OGN: variants seen among roughly 807,000 people sequenced by gnomAD.
The protein encoded by OGN is mimecan.
In OGN, 19 loss-of-function variants were observed where a neutral mutation model predicts 30.8. The observed-to-expected ratio is 0.62, with a 90% CI of 0.43 to 0.90. OGN has a LOEUF of 0.90. Among genes scored for constraint, OGN ranks in the 40% least tolerant of loss-of-function variants. The probability of loss-of-function intolerance (pLI) is 0.00; values close to 1 mark genes in which losing one functional copy is unlikely to be tolerated. For synonymous variants in OGN, 126 were observed against 128.3 expected, an observed-to-expected ratio of 0.98 and a Z score of 0.12; for missense variants, 283 against 349.7, an observed-to-expected ratio of 0.81 and a Z score of 1.52.
Position 92,386,233 on chromosome 9 carries a change from A to G in OGN, c.694T>C (p.Leu232=). The G allele has an allele frequency of 3.7e-6, 6 of 1,613,296 alleles. No homozygotes were observed. Among genetic ancestry groups the G allele is most frequent in the Non-Finnish European group, 4.2e-6 (5 of 1,179,306 alleles). The change falls in exon 6 of 7, where the codon TTA becomes CTA. Residue 232 remains leucine (L), a synonymous_variant. Coordinates refer to ENST00000375561, the MANE Select transcript of OGN (RefSeq NM_014057.5). ...TGAATTACACGTAGACTTTCTGGTAAATTAAGAGGCACGGATTCCAGGGCA... is the reference window on the plus strand; with the variant it reads ...TGAATTACACGTAGACTTTCTGGTAGATTAAGAGGCACGGATTCCAGGGCA... ...HNALESVPLN[L]PESLRVIHLQ... is the part of the protein sequence containing the mutation.
intron 1 of OGN, 42 bp from the exon 2 acceptor site, chr9:92,403,524 C>T (rs1394019726): frequency 9.1e-6 from 13 of 1,426,240 alleles, no homozygotes; most frequent in Non-Finnish European, 1.1e-5. Flanking sequence ...TATTTAAAAG[C>T]TTAGAGGATG....
chr9:92,391,827 G>A (rs1842700596), intron 4 of OGN, among the ~76,000 whole-genome samples: 1 of 152,130 alleles, frequency 6.6e-6, no homozygotes, highest in Non-Finnish European at 1.5e-5. Flanking sequence ...GAAAGCCCAT[G>A]AAAGCACAAT....
At chr9:92,390,470 A>T (rs1026789434) in intron 4 of OGN, among the ~76,000 whole-genome samples, 1 of 152,110 alleles carries the variant, frequency 6.6e-6, no homozygotes, top group Non-Finnish European at 1.5e-5. Context: ...ATGTTATCTT[A>T]ATCTTAATCT....
intron 3 of OGN, 30 bp downstream of exon 3, chr9:92,401,062 C>A (rs1321812468): frequency 5.0e-6 from 5 of 1,007,514 alleles, no homozygotes; most frequent in Non-Finnish European, 7.7e-6. Flanking sequence ...TTTAAAAGAT[C>A]CATTTGAAAA....
intron 2 of OGN, 117 bp from the exon 3 acceptor site, chr9:92,401,302 C>A: frequency 1.8e-6 from 1 of 563,936 alleles, no homozygotes; most frequent in Non-Finnish European, 3.1e-6. Context: ...CTTTGTGCTC[C>A]ATTAGGCTTT....
chr9:92,386,360 A>AAT, intron 5 of OGN, 64 bp from the exon 6 acceptor site: 1 of 988,886 alleles, frequency 1.0e-6, no homozygotes, highest in African/African-American at 1.6e-5. Context: ...GGATTCAAGC[A>AAT]ATATATATGT....
intron 4 of OGN, 71 bp from the exon 5 acceptor site, chr9:92,390,127 T>C (rs546707101): frequency 2.3e-6 from 2 of 863,870 alleles, no homozygotes; most frequent in Non-Finnish European, 3.6e-6. Context: ...AGAAAAGCAT[T>C]TGTTTAACAG....
intron 5 of OGN, among the ~76,000 whole-genome samples, chr9:92,389,211 C>A (rs1842566519): frequency 6.6e-6 from 1 of 152,148 alleles, no homozygotes. Flanking sequence ...TATGGAAATC[C>A]TGGACTAAAG....
rs1046487944 is a variant in OGN, at chr9:92,384,404, C to T, written c.*1216G>A. 3 of 152,070 alleles carry T rather than the reference C, an allele frequency of 2.0e-5. No homozygotes were observed. The highest frequency in any genetic ancestry group is 6.5e-5 in the Admixed American group (1 of 15,268). The allele number at this position is 152,070 out of a possible 1,614,324, so 9.4% of individuals were successfully genotyped here. A position where few individuals can be genotyped will look rare whatever the true frequency, so the allele number is the denominator to read the frequency against. ...CTTTATGGTGGAAATAATGTTTGTA[C>T]TTTTACTTACACAGTCCGGACTCAT... On this transcript the variant is annotated 3_prime_UTR_variant, in exon 7 of 7. Transcript: ENST00000375561.
intron 1 of OGN, chr9:92,403,731 A>T (rs1564302495): frequency 1.4e-6 from 1 of 734,808 alleles, no homozygotes; most frequent in Non-Finnish European, 1.7e-6. Context: ...TTCAGCAGAC[A>T]TACTAATATT....
At chr9:92,403,204 G>T in intron 2 of OGN, 30 bp downstream of exon 2, 1 of 1,445,484 alleles carries the variant, frequency 6.9e-7, no homozygotes, top group Non-Finnish European at 9.5e-7. Flanking sequence ...CAGTATTTTA[G>T]AAGCTAAATT....
At chr9:92,401,652 C>T (rs1225906146) in intron 2 of OGN, among the ~76,000 whole-genome samples, 1 of 152,138 alleles carries the variant, frequency 6.6e-6, no homozygotes, top group African/African-American at 2.4e-5. Flanking sequence ...CTTTAGGTCT[C>T]TTCTTGGGGT....
chr9:92,390,344 T>TCAGG (rs1842619697), intron 4 of OGN, among the ~76,000 whole-genome samples: 1 of 152,226 alleles, frequency 6.6e-6, no homozygotes, highest in African/African-American at 2.4e-5. Flanking sequence ...CTTGGGATGG[T>TCAGG]CAGGCAGTTT....
chr9:92,396,718 C>G (rs1228593366), intron 3 of OGN, among the ~76,000 whole-genome samples: 1 of 151,912 alleles, frequency 6.6e-6, no homozygotes, highest in African/African-American at 2.4e-5. Context: ...GTTTGTGCCA[C>G]CACACCTGGC....
chr9:92,402,801 T>C (rs544751671), intron 2 of OGN, among the ~76,000 whole-genome samples: 12 of 152,350 alleles, frequency 7.9e-5, no homozygotes, highest in Middle Eastern at 3.4e-3. Context: ...ACCAGTACTC[T>C]TCTATGTATT....
At chr9:92,397,626 G>C (rs1472533104) in intron 3 of OGN, among the ~76,000 whole-genome samples, 1 of 152,082 alleles carries the variant, frequency 6.6e-6, no homozygotes, top group African/African-American at 2.4e-5. Context: ...CACCACACCC[G>C]GCCAGCATTG....
intron 2 of OGN, 55 bp from the exon 3 acceptor site, chr9:92,401,240 TA>T: frequency 1.2e-6 from 1 of 804,170 alleles, no homozygotes. Context: ...TGTTTCTCTG[TA>T]AAATGAAGGG....
At chr9:92,391,197 C>T (rs1455778935) in intron 4 of OGN, among the ~76,000 whole-genome samples, 1 of 151,418 alleles carries the variant, frequency 6.6e-6, no homozygotes, top group East Asian at 1.9e-4. Context: ...GAGATCGAGA[C>T]CATCCTGGCT....
chr9:92,402,579 C>T (rs1244681755), intron 2 of OGN, among the ~76,000 whole-genome samples: 2 of 152,068 alleles, frequency 1.3e-5, no homozygotes, highest in Non-Finnish European at 2.9e-5. Context: ...TTAGTTTGCC[C>T]ATAAAGGTGG....
Sources: allele counts gnomAD v4.1 joint callset (sites outside exome capture counted in the v4.1 genomes callset), GRCh38; gene constraint gnomAD v4.1.1; transcripts MANE v1.5; gene names NCBI Gene and HGNC (gene_info 2026-07-23, HGNC 2026-07-21).